The following UNC13B variants were observed in gnomAD, a reference collection of about 807,000 sequenced individuals.
UNC13B encodes protein unc-13 homolog B.
Under a neutral mutation model 211.0 loss-of-function variants are expected in UNC13B, and 144 were observed. The ratio of observed to expected loss-of-function variants is 0.68; its 90% CI spans 0.60 to 0.78. The LOEUF is 0.78. Among genes scored for constraint, UNC13B ranks in the 30% least tolerant of loss-of-function variants. The pLI, the probability that UNC13B is intolerant of heterozygous loss-of-function variation, is 0.00. For synonymous variants in UNC13B, 709 were observed against 725.8 expected (o/e 0.98, Z 0.37); for missense variants, 1,777 against 2,002.0 (o/e 0.89, Z 2.14).
Position 35,328,364 on chromosome 9 carries a change from C to T in UNC13B, c.9414+14375C>T, listed in dbSNP as rs550679796. Among the ~76,000 whole-genome samples, 17 of 152,170 alleles carry T rather than the reference C, an allele frequency of 1.1e-4. No homozygotes were observed. In the East Asian group the frequency reaches 2.7e-3, roughly 24 times the overall value. On this transcript the variant is annotated intron_variant, in intron 11 of 39. Transcript: ENST00000635942. ...ACATGAGCAAAGTCCCTCCACCTCT[C>T]CCACCTCTATTGACACTGAAAAGAG...
At chr9:35,281,372 C>T (rs1828478985) in intron 7 of UNC13B, among the ~76,000 whole-genome samples, 1 of 147,184 alleles carries the variant, frequency 6.8e-6, no homozygotes, top group African/African-American at 2.5e-5. Flanking sequence ...GCTGAGATCA[C>T]ACCACTGCAC....
At chr9:35,241,557 GCACACACACACACA>G (rs3067420) in intron 5 of UNC13B, among the ~76,000 whole-genome samples, 6 of 144,946 alleles carry the variant, frequency 4.1e-5, no homozygotes, top group African/African-American at 7.6e-5. Context: ...CTGAATATAA[GCACACACACACACA>G]CACACACACA....
intron 1 of UNC13B, among the ~76,000 whole-genome samples, chr9:35,201,357 G>A (rs987988788): frequency 6.6e-6 from 1 of 152,206 alleles, no homozygotes; most frequent in African/African-American, 2.4e-5. Flanking sequence ...CATAAAATGA[G>A]TTAGGGAGGA....
intron 11 of UNC13B, among the ~76,000 whole-genome samples, chr9:35,355,496 A>C (rs1251726130): frequency 6.6e-6 from 1 of 152,192 alleles, no homozygotes; most frequent in African/African-American, 2.4e-5. Context: ...TTTGCATTCA[A>C]GGTCACTGCA....
At position 35,398,292 on chromosome 9, in the gene UNC13B, G is replaced by A; in HGVS notation, c.11832+4G>A. Reference sequence around the variant, plus strand: ...TGAGGCCATGGGAGGCAAGGAGGTAGGTCTTAGGGTTTGGGAGTCACTGTA... The same window carrying A: ...TGAGGCCATGGGAGGCAAGGAGGTAAGTCTTAGGGTTTGGGAGTCACTGTA... On this transcript the variant is annotated splice_donor_region_variant and intron_variant, in intron 31 of 39. Transcript: ENST00000635942. The A allele has an allele frequency of 4.3e-6, 7 of 1,613,338 alleles. No homozygotes were observed. The highest frequency in any genetic ancestry group is 5.9e-6 in the Non-Finnish European group (7 of 1,179,474).
chr9:35,215,925 A>G (rs748780147), intron 1 of UNC13B, among the ~76,000 whole-genome samples: 17 of 152,214 alleles, frequency 1.1e-4, no homozygotes, highest in Non-Finnish European at 1.6e-4. Flanking sequence ...TCACCAGACA[A>G]TAACATTTTT....
intron 37 of UNC13B, among the ~76,000 whole-genome samples, chr9:35,402,888 G>A (rs1836415641): frequency 6.6e-6 from 1 of 152,194 alleles, no homozygotes. Flanking sequence ...TCAGTTAAAA[G>A]TCCTTCAGCC....
intron 21 of UNC13B, among the ~76,000 whole-genome samples, chr9:35,383,610 C>T (rs1834996814): frequency 6.6e-6 from 1 of 152,116 alleles, no homozygotes; most frequent in Admixed American, 6.5e-5. Context: ...TGCCAACATC[C>T]TGCAGGCATA....
chr9:35,378,432 C>T lies in UNC13B; in HGVS notation c.10201C>T (p.His3401Tyr), dbSNP rs374284179. The T allele has an allele frequency of 1.2e-6, 2 of 1,613,984 alleles. No individual in the cohort carries two copies. Among genetic ancestry groups the T allele is most frequent in the Admixed American group, 1.7e-5 (1 of 60,000 alleles). Residue 3401 changes from histidine (H) to tyrosine (Y), a missense_variant, in exon 17 of 40, where the codon CAT becomes TAT. By Grantham distance (83) the His-to-Tyr change is moderately conservative. Coordinates refer to ENST00000635942, the MANE Select transcript of UNC13B (RefSeq NM_001371189.2). The stretch of plus-strand genomic sequence containing the variant: ...GAATCCTGTTTGGGAGGAGAAGTTC[C>T]ATTTGTAAGTCACAGAGAGCTTTGT... The part of the protein sequence containing the change: ...NLNPVWEEKF[H>Y]FECHNSSDRI...
Position 35,386,210 on chromosome 9 carries a change from G to A in UNC13B, c.11011G>A (p.Asp3671Asn). 6.2e-7 allele frequency: 1 copy of A among 1,614,168 alleles called. No individual in the cohort carries two copies. Among genetic ancestry groups the A allele is most frequent in the South Asian group, 1.1e-5 (1 of 91,080 alleles). ...TCCAAGAGCCAGCCAGGTGGTAAAGGATTGTGTGAAGGCCTGTTTGAACTC... is the reference window on the plus strand; with the variant it reads ...TCCAAGAGCCAGCCAGGTGGTAAAGAATTGTGTGAAGGCCTGTTTGAACTC... ...SPPRASQVVK[D>N]CVKACLNSTY... The change falls in exon 24 of 40, where the codon GAT (aspartate) becomes AAT (asparagine). Residue 3671 changes from aspartate (D) to asparagine (N), a missense_variant. By Grantham distance (23) the Asp-to-Asn change is conservative (BLOSUM62 1). Coordinates refer to ENST00000635942, the MANE Select transcript of UNC13B (RefSeq NM_001371189.2).
intron 1 of UNC13B, among the ~76,000 whole-genome samples, chr9:35,194,223 G>C (rs1327143421): frequency 1.3e-5 from 2 of 152,160 alleles, no homozygotes; most frequent in Non-Finnish European, 2.9e-5. Context: ...AACGTTTCCT[G>C]ATCTTGCCAA....
In UNC13B at chr9:35,304,401, G is replaced by C; in HGVS notation, c.4997G>C (p.Arg1666Thr). The change falls in exon 9 of 40, where the codon AGG becomes ACG. Residue 1666 changes from arginine (R) to threonine (T), a missense_variant. Arg to Thr is a moderately conservative substitution (Grantham distance 71). Coordinates refer to ENST00000635942, the MANE Select transcript of UNC13B (RefSeq NM_001371189.2). ...FKGDFRSFKE[R>T]PCGSEDAECT... ...GGAGACTTTAGATCTTTCAAAGAAAGGCCGTGTGGTTCTGAAGACGCTGAA... is the reference window on the plus strand; with the variant it reads ...GGAGACTTTAGATCTTTCAAAGAAACGCCGTGTGGTTCTGAAGACGCTGAA... The C allele has an allele frequency of 5.0e-6, 2 of 398,610 alleles. 1 individual carries two copies. The highest frequency in any genetic ancestry group is 1.3e-3 in the Middle Eastern group (2 of 1,588). 24.7% of individuals were successfully genotyped at this position (398,610 alleles called of 1,614,324 possible).
chr9:35,219,968 C>T (rs1490613913), intron 1 of UNC13B, among the ~76,000 whole-genome samples: 1 of 152,046 alleles, frequency 6.6e-6, no homozygotes, highest in Non-Finnish European at 1.5e-5. Context: ...TTTAGTGTCA[C>T]ATTTAGATGT....
chr9:35,206,867 C>T (rs1213875518), intron 1 of UNC13B, among the ~76,000 whole-genome samples: 4 of 66,668 alleles, frequency 6.0e-5, no homozygotes, highest in Non-Finnish European at 1.0e-4. Context: ...AGTGAGACTC[C>T]ATCTCAAAAA....
At chr9:35,340,430 T>G (rs1257201154) in intron 11 of UNC13B, among the ~76,000 whole-genome samples, 1 of 152,222 alleles carries the variant, frequency 6.6e-6, no homozygotes, top group Non-Finnish European at 1.5e-5. Context: ...GGATCTTGGA[T>G]AAGCCAAACA....
intron 7 of UNC13B, among the ~76,000 whole-genome samples, chr9:35,288,653 A>G (rs1335615581): frequency 6.6e-6 from 1 of 152,242 alleles, no homozygotes; most frequent in Non-Finnish European, 1.5e-5. Context: ...TGGTGAGAAT[A>G]TGGAGCTGGC....
rs930524672 is a variant in UNC13B at position 35,371,192 on chromosome 9, C to T, written c.9540+796C>T. Among the ~76,000 whole-genome samples, 8 of 151,936 alleles carry T rather than the reference C, an allele frequency of 5.3e-5. No individual in the cohort carries two copies. The East Asian group carries it at 9.7e-4, about 18-fold the overall frequency. On this transcript the variant is annotated intron_variant, in intron 13 of 39. Transcript: ENST00000635942. ...TCTATCTATTGTTTTTCCTAACCAC[C>T]CCTCTTCCCTCTTCCCCATTTCCTG... is the stretch of plus-strand genomic sequence containing the variant.
At chr9:35,261,526 G>A (rs1012918149) in intron 7 of UNC13B, among the ~76,000 whole-genome samples, 10 of 151,828 alleles carry the variant, frequency 6.6e-5, no homozygotes, top group African/African-American at 9.7e-5. Flanking sequence ...GAATACATGA[G>A]TATTTTGATA....
intron 1 of UNC13B, among the ~76,000 whole-genome samples, chr9:35,167,972 G>A (rs1313907051): frequency 6.6e-6 from 1 of 151,716 alleles, no homozygotes; most frequent in African/African-American, 2.4e-5. Flanking sequence ...AGGCTGGAGT[G>A]CAGTAGTACG....
Sources: gnomAD v4.1 joint callset for allele counts (sites outside exome capture counted in the v4.1 genomes callset) on GRCh38, gnomAD v4.1.1 for gene constraint, MANE v1.5 for transcripts, NCBI Gene and HGNC (gene_info 2026-07-23, HGNC 2026-07-21) for gene names.